FAT1: variants seen among roughly 807,000 people sequenced by gnomAD.
FAT1 encodes protocadherin Fat 1.
FAT1 carries 171 observed loss-of-function variants against 329.8 expected under a neutral mutation model. That is an observed-to-expected ratio of 0.52 (90% CI 0.46 to 0.59). The LOEUF is 0.59. Ranked by LOEUF, FAT1 falls within the 20% of genes least tolerant of loss-of-function variation. The pLI is 0.00. For missense variants in FAT1, 5,672 were observed against 5,774.4 expected (o/e 0.98, Z 0.57); for synonymous variants, 2,233 against 2,228.6 (o/e 1.00, Z -0.06).
Position 186,621,757 on chromosome 4 carries a change from A to C in FAT1, c.4829T>G (p.Phe1610Cys). ...AGAGCCCAAGACAGGATCAATCATA[A>C]AAGAATTTCCAATATTTCCTGGAAG... is the stretch of plus-strand genomic sequence containing the variant. ...SIESGNIGNS[F>C]MIDPVLGSIK... The change falls in exon 10 of 27, where the codon TTT (phenylalanine) becomes TGT (cysteine). Residue 1610 changes from phenylalanine to cysteine, a missense_variant. This residue lies in a region of FAT1 where 3,966 missense variants were observed against 3,915.2 expected (regional missense o/e 1.01). Transcript: ENST00000441802. 10 of 1,570,948 alleles carry C rather than the reference A, an allele frequency of 6.4e-6. No individual in the cohort carries two copies. The highest frequency in any genetic ancestry group is 8.6e-6 in the Non-Finnish European group (10 of 1,160,904).
Position 186,709,054 on chromosome 4 carries a change from T to C in FAT1, c.774A>G (p.Thr258=). The C allele has an allele frequency of 1.2e-6, 2 of 1,613,994 alleles. No individual in the cohort carries two copies. The highest frequency in any genetic ancestry group is 2.2e-5 in the South Asian group (2 of 91,080). Residue 258 remains threonine, a synonymous_variant, in exon 2 of 27, where the codon ACA becomes ACG. Transcript: ENST00000441802. ...EQANECAPVI[T]AVTLSPSELD... Reference sequence around the variant, plus strand: ...GTTCTGATGGTGACAATGTCACTGCTGTTATCACCGGAGCACATTCATTGG... The same window carrying C: ...GTTCTGATGGTGACAATGTCACTGCCGTTATCACCGGAGCACATTCATTGG...
rs781096830 is a variant in FAT1, at chr4:186,600,065, G to C, written c.11936C>G (p.Ser3979Cys). 7 of 1,613,888 alleles carry C rather than the reference G, an allele frequency of 4.3e-6. No individual in the cohort carries two copies. Among genetic ancestry groups the C allele is most frequent in the Non-Finnish European group, 5.9e-6 (7 of 1,179,904 alleles). The change falls in exon 22 of 27, where the codon TCC becomes TGC. Residue 3979 changes from serine to cysteine, a missense_variant. By Grantham distance (112) the Ser-to-Cys change is moderately radical. Transcript: ENST00000441802. ...GAGCTCCTGCCCATTCAAATAAATG[G>C]AGTCCATACAACCCCTGAAACCATT... ...VGNGFRGCMDSIYLNGQELPL... is the reference protein window; with the variant it reads ...VGNGFRGCMDCIYLNGQELPL...
intron 1 of FAT1, among the ~76,000 whole-genome samples, chr4:186,720,455 C>T (rs1051122983): frequency 6.6e-6 from 1 of 152,202 alleles, no homozygotes; most frequent in African/African-American, 2.4e-5. Context: ...CTCCACTCAT[C>T]ACACCACAAG....
intron 2 of FAT1, among the ~76,000 whole-genome samples, chr4:186,671,467 G>C (rs192233076): frequency 6.6e-6 from 1 of 152,240 alleles, no homozygotes; most frequent in East Asian, 1.9e-4. Context: ...GGAGGCCGAG[G>C]CTGGCAGATC....
intron 7 of FAT1, among the ~76,000 whole-genome samples, chr4:186,633,120 C>T (rs1380202480): frequency 6.6e-6 from 1 of 151,916 alleles, no homozygotes; most frequent in Non-Finnish European, 1.5e-5. Flanking sequence ...CACTGAGAAC[C>T]AAAGAAAAGT....
chr4:186,616,923 C>G, intron 11 of FAT1, 82 bp downstream of exon 11: 1 of 1,261,790 alleles, frequency 7.9e-7, no homozygotes, highest in Admixed American at 2.0e-5. Context: ...TGAATTACAC[C>G]ACAGCGCCAA....
At position 186,597,043 on chromosome 4, in the gene FAT1, G is replaced by A. The variant is rs376106855; in HGVS notation, c.12497C>T (p.Ala4166Val). The change falls in exon 25 of 27, where the codon GCG becomes GTG. Residue 4166 changes from alanine (A) to valine (V), a missense_variant. Coordinates refer to ENST00000441802, the MANE Select transcript of FAT1 (RefSeq NM_005245.4). ...CGGCGTGGACACATACTGGTTGGGC[G>A]CAGCATCCTCGCAGTGACGTCCCCT... is the stretch of plus-strand genomic sequence containing the variant. ...EYRGRHCEDA[A>V]PNQYVSTPWN... 7 of 1,613,964 alleles carry A rather than the reference G, an allele frequency of 4.3e-6. No individual in the cohort carries two copies. Among genetic ancestry groups the A allele is most frequent in the Middle Eastern group, 1.6e-4 (1 of 6,062 alleles).
upstream of FAT1, among the ~76,000 whole-genome samples, chr4:186,724,767 C>T: frequency 6.6e-6 from 1 of 152,218 alleles, no homozygotes; most frequent in Non-Finnish European, 1.5e-5. The surrounding 1 kb of genome is among the most constrained non-coding windows in gnomAD (Gnocchi z 5.3). Flanking sequence ...GGGCCGGAGG[C>T]GCTGGGACGC....
intron 3 of FAT1, among the ~76,000 whole-genome samples, chr4:186,662,272 A>G (rs545829117): frequency 6.6e-6 from 1 of 151,988 alleles, no homozygotes; most frequent in Non-Finnish European, 1.5e-5. Flanking sequence ...CTTATGTTTG[A>G]CAATGCCTTT....
intron 2 of FAT1, among the ~76,000 whole-genome samples, chr4:186,697,753 C>T (rs889158589): frequency 2.0e-5 from 3 of 152,202 alleles, no homozygotes; most frequent in Admixed American, 1.3e-4. Context: ...CTGTCACTGT[C>T]ATCACTGCCA....
intron 1 of FAT1, among the ~76,000 whole-genome samples, chr4:186,712,485 G>A (rs1745006222): frequency 6.6e-6 from 1 of 152,148 alleles, no homozygotes; most frequent in Non-Finnish European, 1.5e-5. Flanking sequence ...TCTAGACGCT[G>A]GGGATTCAAA....
At chr4:186,723,223 G>A (rs1745538753) in intron 1 of FAT1, among the ~76,000 whole-genome samples, 1 of 152,312 alleles carries the variant, frequency 6.6e-6, no homozygotes, top group South Asian at 2.1e-4. Context: ...CTGCACCTCC[G>A]GGCAGCGCTC....
At chr4:186,693,486 G>A (rs79535302) in intron 2 of FAT1, among the ~76,000 whole-genome samples, 5,353 of 142,468 alleles carry the variant, frequency 0.038, 898 homozygotes, top group East Asian at 0.12. Flanking sequence ...CCATGTAAAC[G>A]GGTCCAGGAC....
At chr4:186,599,836 G>A in intron 22 of FAT1, 62 bp downstream of exon 22, 1 of 1,255,984 alleles carries the variant, frequency 8.0e-7, no homozygotes, top group East Asian at 2.4e-5. Flanking sequence ...AATACCTGGG[G>A]AGCTTCCCCT....
intron 1 of FAT1, among the ~76,000 whole-genome samples, chr4:186,710,098 G>T (rs369983948): frequency 1.3e-5 from 2 of 151,972 alleles, no homozygotes; most frequent in African/African-American, 4.8e-5. Context: ...ATATTTAAAC[G>T]ACTCAAAAAT....
intron 3 of FAT1, among the ~76,000 whole-genome samples, chr4:186,643,394 A>C (rs986317573): frequency 5.3e-5 from 8 of 152,224 alleles, no homozygotes; most frequent in Non-Finnish European, 1.2e-4. Context: ...CTTTCTTTCT[A>C]AATTCACAAC....
At chr4:186,719,268 C>G (rs1277269970) in intron 1 of FAT1, among the ~76,000 whole-genome samples, 1 of 152,154 alleles carries the variant, frequency 6.6e-6, no homozygotes, top group Non-Finnish European at 1.5e-5. Context: ...TCCTAAAATA[C>G]CATCAAACCT....
At chr4:186,659,607 C>A (rs1742070775) in intron 3 of FAT1, among the ~76,000 whole-genome samples, 3 of 151,648 alleles carry the variant, frequency 2.0e-5, no homozygotes. Context: ...TCTACACACA[C>A]AAGCCCGCTG....
chr4:186,642,604 G>A (rs1405665372), intron 3 of FAT1, among the ~76,000 whole-genome samples: 1 of 152,148 alleles, frequency 6.6e-6, no homozygotes, highest in African/African-American at 2.4e-5. Flanking sequence ...ATATTTATAG[G>A]CAGCGTGTGC....
Sources: gnomAD v4.1 joint callset for allele counts (sites outside exome capture counted in the v4.1 genomes callset) on GRCh38, gnomAD v4.1.1 for gene constraint, gnomAD v4.1.1 regional missense constraint, Gnocchi (gnomAD v3.1) non-coding constraint, MANE v1.5 for transcripts, NCBI Gene and HGNC (gene_info 2026-07-23, HGNC 2026-07-21) for gene names.